MAST4: variants seen among roughly 807,000 people sequenced by gnomAD.
The protein encoded by MAST4 is microtubule associated serine/threonine kinase family member 4, also known as microtubule-associated serine/threonine-protein kinase 4.
In MAST4, 89 loss-of-function variants were observed where a neutral mutation model predicts 162.7. The observed-to-expected ratio is 0.55, with a 90% CI of 0.46 to 0.65. The LOEUF (loss-of-function observed/expected upper bound fraction) is 0.65, where lower values mean the gene tolerates loss of function less well. MAST4 is among the 30% of genes least tolerant of loss of function. The pLI is 0.00. For missense variants in MAST4, 3,153 were observed against 3,374.0 expected, an observed-to-expected ratio of 0.93 and a Z score of 1.62; for synonymous variants, 1,479 against 1,361.1, an observed-to-expected ratio of 1.09 and a Z score of -1.91.
intron 3 of MAST4, among the ~76,000 whole-genome samples, chr5:66,798,027 G>A (rs1368623053): frequency 6.6e-6 from 1 of 152,178 alleles, no homozygotes; most frequent in Non-Finnish European, 1.5e-5. Context: ...TGGATGGTGA[G>A]CCTTCACTTC....
chr5:67,105,465 C>T (rs935113274), intron 10 of MAST4, among the ~76,000 whole-genome samples: 1 of 152,202 alleles, frequency 6.6e-6, no homozygotes, highest in Non-Finnish European at 1.5e-5. Context: ...GCAGCCGCTG[C>T]TTTTCTCCCC....
intron 1 of MAST4, among the ~76,000 whole-genome samples, chr5:66,750,017 G>A (rs1753036161): frequency 1.3e-5 from 2 of 152,142 alleles, no homozygotes; most frequent in Admixed American, 1.3e-4. Context: ...CAGTTAATTA[G>A]GATTACAAGC....
chr5:67,125,249 CT>C (rs200572968), intron 14 of MAST4, among the ~76,000 whole-genome samples: 3,852 of 141,852 alleles, frequency 0.027, 111 homozygotes, highest in East Asian at 0.16. Context: ...TTTTTTGGTT[CT>C]TTTTTTTTTT....
chr5:66,670,367 A>G (rs1747531022), intron 1 of MAST4, among the ~76,000 whole-genome samples: 1 of 152,094 alleles, frequency 6.6e-6, no homozygotes, highest in African/African-American at 2.4e-5. Flanking sequence ...TTTTAATACA[A>G]TCATACTAAT....
intron 5 of MAST4, among the ~76,000 whole-genome samples, chr5:67,060,740 G>A (rs1022694828): frequency 4.6e-5 from 7 of 152,106 alleles, no homozygotes; most frequent in Admixed American, 2.0e-4. Context: ...GCCTCCCAAA[G>A]TAGGGAGTAT....
chr5:66,844,967 T>C (rs1382372059), intron 3 of MAST4, among the ~76,000 whole-genome samples: 1 of 151,060 alleles, frequency 6.6e-6, no homozygotes, highest in Non-Finnish European at 1.5e-5. Flanking sequence ...TAGGTGTCAT[T>C]ATCTTATGGG....
intron 1 of MAST4, among the ~76,000 whole-genome samples, chr5:66,613,596 C>T (rs995814776): frequency 6.6e-6 from 1 of 152,114 alleles, no homozygotes; most frequent in African/African-American, 2.4e-5. Flanking sequence ...TCCTTGTGGC[C>T]AGGCTGCCCC....
chr5:66,799,323 C>T (rs981639145), intron 3 of MAST4, among the ~76,000 whole-genome samples: 7 of 152,144 alleles, frequency 4.6e-5, no homozygotes, highest in African/African-American at 1.7e-4. Flanking sequence ...GGTTACATGA[C>T]CCTCCTTGGA....
At chr5:66,629,668 A>G (rs916868584) in intron 1 of MAST4, among the ~76,000 whole-genome samples, 1 of 152,198 alleles carries the variant, frequency 6.6e-6, no homozygotes, top group Non-Finnish European at 1.5e-5. Context: ...TTGTCAGACC[A>G]CAAGGAATCG....
intron 4 of MAST4, among the ~76,000 whole-genome samples, chr5:67,036,654 C>T (rs1561559944): frequency 6.6e-6 from 1 of 152,080 alleles, no homozygotes; most frequent in African/African-American, 2.4e-5. Context: ...GATGTAAATA[C>T]TGTGTAAATA....
At chr5:66,968,786 A>T (rs1242994461) in intron 4 of MAST4, among the ~76,000 whole-genome samples, 2 of 152,220 alleles carry the variant, frequency 1.3e-5, no homozygotes, top group Non-Finnish European at 2.9e-5. Context: ...AAATGTAAAA[A>T]CTGAGTAGAT....
Position 67,153,517 on chromosome 5 carries a change from T to G in MAST4, c.3585T>G (p.Thr1195=), listed in dbSNP as rs751862646. The G allele has an allele frequency of 2.1e-5, 33 of 1,602,296 alleles. No individual in the cohort carries two copies. In the African/African-American group the frequency reaches 3.3e-4, roughly 16 times the overall value. Reference sequence around the variant, plus strand: ...GACTGAAGGCTGGAGATCTTATCACTCACATCAATGGAGAACCAGTGCATG... The same window carrying G: ...GACTGAAGGCTGGAGATCTTATCACGCACATCAATGGAGAACCAGTGCATG... The part of the protein sequence containing the change: ...QAGLKAGDLI[T]HINGEPVHGL... The change falls in exon 26 of 29, where the codon ACT becomes ACG. Residue 1195 remains threonine (T), a synonymous_variant. Coordinates refer to ENST00000403625, the MANE Select transcript of MAST4 (RefSeq NM_001164664.2).
Position 67,145,293 on chromosome 5 carries a change from A to G in MAST4, c.3008A>G (p.Lys1003Arg). 6.2e-7 allele frequency: 1 copy of G among 1,613,926 alleles called. No individual in the cohort carries two copies. Among genetic ancestry groups the G allele is most frequent in the Middle Eastern group, 1.7e-4 (1 of 6,036 alleles). ...GGAGACCCCCATGAGGAGCCAGGAA[A>G]GCCAGCCCTTCCTCCTGAAGAGTGT... ...CPGDPHEEPG[K>R]PALPPEECAQ... Residue 1003 changes from lysine to arginine, a missense_variant, in exon 23 of 29, where the codon AAG becomes AGG. Lys to Arg is a conservative substitution (Grantham distance 26). Around this residue, in one of 7 missense-constraint regions of MAST4, gnomAD observed 619 missense variants for 744.2 expected, o/e 0.83. Transcript: ENST00000403625.
chr5:67,059,766 T>C (rs1163126667), intron 5 of MAST4, among the ~76,000 whole-genome samples: 4 of 148,394 alleles, frequency 2.7e-5, no homozygotes, highest in South Asian at 2.2e-4. Flanking sequence ...TTAGGAGTTA[T>C]TAAAGATAGG....
chr5:66,884,462 A>T (rs184931705), intron 3 of MAST4, among the ~76,000 whole-genome samples: 1 of 152,308 alleles, frequency 6.6e-6, no homozygotes, highest in Non-Finnish European at 1.5e-5. Context: ...AATAATTCAT[A>T]TTGGACTGTC....
At chr5:67,109,691 G>A (rs1324301344) in intron 10 of MAST4, among the ~76,000 whole-genome samples, 2 of 152,158 alleles carry the variant, frequency 1.3e-5, no homozygotes, top group Non-Finnish European at 2.9e-5. Context: ...GATAAAAGCA[G>A]CCCTTCACTT....
At chr5:67,130,714 T>A (rs757710874) in intron 15 of MAST4, among the ~76,000 whole-genome samples, 100 of 152,154 alleles carry the variant, frequency 6.6e-4, no homozygotes, top group Middle Eastern at 3.2e-3. Flanking sequence ...GGTGATGGGA[T>A]TTTTTTCTGC....
intron 1 of MAST4, chr5:66,623,087 C>G (rs1350885711): frequency 6.6e-6 from 1 of 152,172 alleles, no homozygotes; most frequent in Non-Finnish European, 1.5e-5. Context: ...GGGTGAATCC[C>G]TTTTGATCCA....
intron 3 of MAST4, among the ~76,000 whole-genome samples, chr5:66,847,318 G>A (rs1758928758): frequency 6.6e-6 from 1 of 152,170 alleles, no homozygotes; most frequent in Non-Finnish European, 1.5e-5. Flanking sequence ...TTTTCTTGTT[G>A]GACATTAATT....
Sources: gnomAD v4.1 joint callset for allele counts (sites outside exome capture counted in the v4.1 genomes callset) on GRCh38, gnomAD v4.1.1 for gene constraint, gnomAD v4.1.1 regional missense constraint, MANE v1.5 for transcripts, NCBI Gene and HGNC (gene_info 2026-07-23, HGNC 2026-07-21) for gene names.